ETFRF1: variants seen among roughly 807,000 people sequenced by gnomAD.
ETFRF1 encodes electron transfer flavoprotein regulatory factor 1.
Under a neutral mutation model 9.0 loss-of-function variants are expected in ETFRF1, and 12 were observed. The observed-to-expected ratio is 1.34, with a 90% confidence interval of 0.86 to 2.16. The LOEUF (loss-of-function observed/expected upper bound fraction) is 2.16. ETFRF1 is among the 30% of genes most tolerant of loss of function. ETFRF1 has a pLI of 0.00. For synonymous variants in ETFRF1, 34 were observed against 33.2 expected, an observed-to-expected ratio of 1.02 and a Z score of -0.08; for missense variants, 98 against 101.8, an observed-to-expected ratio of 0.96 and a Z score of 0.16.
chr12:25,197,228 C>T (rs567557270), intron 1 of ETFRF1, among the ~76,000 whole-genome samples: 177 of 151,990 alleles, frequency 1.2e-3, no homozygotes, highest in Non-Finnish European at 2.2e-3. Flanking sequence ...GCCATAGCCA[C>T]ACTAGTTACA....
At chr12:25,203,219 T>C (rs1951090396) in intron 1 of ETFRF1, among the ~76,000 whole-genome samples, 1 of 152,232 alleles carries the variant, frequency 6.6e-6, no homozygotes, top group South Asian at 2.1e-4. Flanking sequence ...AATTATTTTC[T>C]AGGTTTAGAC....
intron 1 of ETFRF1, among the ~76,000 whole-genome samples, chr12:25,199,388 C>T (rs1951056512): frequency 6.7e-6 from 1 of 149,004 alleles, no homozygotes; most frequent in Non-Finnish European, 1.5e-5. Context: ...ATATGTACTA[C>T]ATAGTACATA....
rs34624917 is a variant in ETFRF1, at chr12:25,204,640, CAA to C, written c.*329_*330del. The C allele has an allele frequency of 0.51, 105,766 of 207,844 alleles. 28,375 individuals carry two copies. Among genetic ancestry groups the C allele is most frequent in the East Asian group, 0.79 (9,528 of 12,008 alleles). The allele number at this position is 207,844 out of a possible 1,614,324, so 12.9% of individuals were successfully genotyped here. On this transcript the variant is annotated 3_prime_UTR_variant, in exon 3 of 3. Coordinates refer to ENST00000381356, the MANE Select transcript of ETFRF1 (RefSeq NM_001001660.3). ...TTAGCTTATTTCTCCATTTTACTGA[CAA>C]GAGAATGCCATTTACCGAACATTTA...
intron 1 of ETFRF1, among the ~76,000 whole-genome samples, chr12:25,200,178 C>A (rs1042947584): frequency 6.6e-5 from 10 of 151,884 alleles, no homozygotes; most frequent in African/African-American, 2.4e-4. Context: ...CCATTGCTCT[C>A]CAGCGTGGGT....
At chr12:25,199,525 A>C (rs1453376315) in intron 1 of ETFRF1, among the ~76,000 whole-genome samples, 1 of 150,898 alleles carries the variant, frequency 6.6e-6, no homozygotes, top group Non-Finnish European at 1.5e-5. Context: ...CAAAAGTCTA[A>C]GAACAGGGCT....
chr12:25,204,149 A>G lies in ETFRF1; in HGVS notation c.110A>G (p.Lys37Arg), dbSNP rs754682815. The change falls in exon 3 of 3, where the codon AAG (lysine) becomes AGG (arginine). Residue 37 changes from lysine (K) to arginine (R), a missense_variant. Transcript: ENST00000381356. ...GCAGACTATTTTAAAAAGCGTTTGA[A>G]GAACATTTTCCTTAAAAACAAAGAT... ...KGADYFKKRLKNIFLKNKDVK... is the reference protein window; with the variant it reads ...KGADYFKKRLRNIFLKNKDVK... The G allele has an allele frequency of 4.3e-6, 7 of 1,611,956 alleles. No homozygotes were observed. The South Asian group carries it at 6.6e-5, about 15-fold the overall frequency.
At chr12:25,197,463 TTTTG>T (rs1196841593) in intron 1 of ETFRF1, among the ~76,000 whole-genome samples, 2 of 152,154 alleles carry the variant, frequency 1.3e-5, no homozygotes, top group East Asian at 1.9e-4. Flanking sequence ...AAGAGGTGTT[TTTTG>T]TTTGTTTTGT....
chr12:25,204,274 A>G lies in ETFRF1; in HGVS notation c.235A>G (p.Lys79Glu). Reference sequence around the variant, plus strand: ...CTTCCTTAGGAAATACAGAGCTATGAAACAACGCTATTATTCAGATACCAA... The same window carrying G: ...CTTCCTTAGGAAATACAGAGCTATGGAACAACGCTATTATTCAGATACCAA... ...LYFLRKYRAM[K>E]QRYYSDTNKT... Residue 79 changes from lysine (K) to glutamate (E), a missense_variant, in exon 3 of 3, where the codon AAA (lysine) becomes GAA (glutamate). Lys to Glu is a moderately conservative substitution (Grantham distance 56). Transcript: ENST00000381356. 1 of 1,593,744 alleles carries G rather than the reference A, an allele frequency of 6.3e-7. No individual in the cohort carries two copies. Among genetic ancestry groups the G allele is most frequent in the African/African-American group, 1.4e-5 (1 of 73,514 alleles).
At chr12:25,196,544 C>G (rs1161299873) in intron 1 of ETFRF1, among the ~76,000 whole-genome samples, 1 of 152,140 alleles carries the variant, frequency 6.6e-6, no homozygotes, top group Non-Finnish European at 1.5e-5. Flanking sequence ...TTTCCATTAG[C>G]CTGGAACTGG....
intron 1 of ETFRF1, among the ~76,000 whole-genome samples, chr12:25,200,379 A>G (rs1951065520): frequency 6.6e-6 from 1 of 152,222 alleles, no homozygotes; most frequent in South Asian, 2.1e-4. Context: ...TGAAGGAAAC[A>G]AGTGTCCAGA....
intron 1 of ETFRF1, among the ~76,000 whole-genome samples, chr12:25,201,071 G>C (rs922017261): frequency 2.6e-5 from 4 of 152,194 alleles, no homozygotes; most frequent in African/African-American, 9.7e-5. Context: ...TCTGTGCTGT[G>C]CTGACTGGAC....
chr12:25,204,096 G>T lies in ETFRF1; in HGVS notation c.57G>T (p.Leu19=). 2 of 1,580,306 alleles carry T rather than the reference G, an allele frequency of 1.3e-6. No homozygotes were observed. The highest frequency in any genetic ancestry group is 1.7e-6 in the Non-Finnish European group (2 of 1,161,314). The change falls in exon 3 of 3, where the codon CTG becomes CTT. Residue 19 remains leucine (L), a synonymous_variant. Transcript: ENST00000381356. ...TATAATCTTTCTTTTTGAAGCTGCT[G>T]TATCTTGGACGAGACTATCCAAAAG... The part of the protein sequence containing the change: ...GEVLKLYKNL[L]YLGRDYPKGA...
chr12:25,198,097 A>G (rs1392812738), intron 1 of ETFRF1, among the ~76,000 whole-genome samples: 2 of 152,132 alleles, frequency 1.3e-5, no homozygotes, highest in Admixed American at 6.6e-5. Context: ...GGACTACATG[A>G]AAGCTATTTG....
chr12:25,203,867 ATTTT>A (rs369430275), intron 1 of ETFRF1, 49 bp from the exon 2 acceptor site: 11 of 1,024,630 alleles, frequency 1.1e-5, no homozygotes, highest in Non-Finnish European at 1.5e-5. Flanking sequence ...ACCTTTTTTT[ATTTT>A]TTTAAGACTA....
chr12:25,201,731 T>C lies in ETFRF1; in HGVS notation c.-37-2189T>C, dbSNP rs56891529. Among the ~76,000 whole-genome samples, 641 of 152,166 alleles carry C rather than the reference T, an allele frequency of 4.2e-3. 9 individuals are homozygous for C. The highest frequency in any genetic ancestry group is 0.015 in the African/African-American group (616 of 41,526). ...AAAGGTGTAAATTTTGCAAAATGCC[T>C]AAAGGGGCAGGTGAGGTCACAATGA... On this transcript the variant is annotated intron_variant, in intron 1 of 2. Transcript: ENST00000381356.
In ETFRF1 at chr12:25,201,017, A is replaced by G. The variant is rs536062951; in HGVS notation, c.-37-2903A>G. On this transcript the variant is annotated intron_variant, in intron 1 of 2. Transcript: ENST00000381356. Reference sequence around the variant, plus strand: ...AAGCCTGGCTCAGATTCTTACCGGTATTTGCCTTGTCTTGACCATGTGGTG... The same window carrying G: ...AAGCCTGGCTCAGATTCTTACCGGTGTTTGCCTTGTCTTGACCATGTGGTG... 2.6e-5 allele frequency among the ~76,000 whole-genome samples: 4 copies of G among 152,088 alleles called. No homozygotes were observed. The East Asian group carries it at 7.7e-4, about 29-fold the overall frequency.
intron 1 of ETFRF1, among the ~76,000 whole-genome samples, chr12:25,198,382 G>C (rs1439065215): frequency 3.3e-5 from 5 of 152,032 alleles, no homozygotes; most frequent in African/African-American, 1.2e-4. Flanking sequence ...CCCAGTAAAG[G>C]CCCACCCAGA....
intron 1 of ETFRF1, among the ~76,000 whole-genome samples, chr12:25,202,645 T>A (rs181434457): frequency 6.6e-6 from 1 of 152,086 alleles, no homozygotes; most frequent in African/African-American, 2.4e-5. Context: ...GTGGCAGAGC[T>A]CAGAGAGTAG....
chr12:25,202,095 T>TG (rs113889617), intron 1 of ETFRF1, among the ~76,000 whole-genome samples: 5,187 of 74,902 alleles, frequency 0.069, 353 homozygotes, highest in African/African-American at 0.16. Context: ...TAGCCAGGCG[T>TG]GGTGGCGCGC....
Sources: gnomAD v4.1 joint callset for allele counts (sites outside exome capture counted in the v4.1 genomes callset) on GRCh38, gnomAD v4.1.1 for gene constraint, MANE v1.5 for transcripts, NCBI Gene and HGNC (gene_info 2026-07-23, HGNC 2026-07-21) for gene names.